CACNA1A: variants seen among roughly 807,000 people sequenced by gnomAD.
The protein encoded by CACNA1A is calcium voltage-gated channel subunit alpha1 A.
Under a neutral mutation model 262.4 loss-of-function variants are expected in CACNA1A, and 57 were observed. The ratio of observed to expected loss-of-function variants is 0.22; its 90% CI spans 0.18 to 0.27. The LOEUF is 0.27. Among genes scored for constraint, CACNA1A ranks in the 10% least tolerant of loss-of-function variants. The probability of loss-of-function intolerance (pLI) is 1.00; values close to 1 mark genes in which losing one functional copy is unlikely to be tolerated. For synonymous variants in CACNA1A, 1,431 were observed against 1,419.3 expected (o/e 1.01, Z -0.18); for missense variants, 2,526 against 3,562.8 (o/e 0.71, Z 7.41).
intron 12 of CACNA1A, among the ~76,000 whole-genome samples, chr19:13,311,243 C>G (rs1036050331): frequency 2.0e-5 from 3 of 152,128 alleles, no homozygotes; most frequent in Non-Finnish European, 4.4e-5. Flanking sequence ...GTGTGCACCA[C>G]CACACCTGGC....
rs1004838145 is a variant in CACNA1A at position 13,212,037 on chromosome 19, G to C, written c.6303+66C>G. 17 of 1,170,856 alleles carry C rather than the reference G, an allele frequency of 1.5e-5. No homozygotes were observed. The highest frequency in any genetic ancestry group is 9.0e-5 in the South Asian group (7 of 77,952). The allele number at this position is 1,170,856 out of a possible 1,614,324, so 72.5% of individuals were successfully genotyped here. A position where few individuals can be genotyped will look rare whatever the true frequency, so the allele number is the denominator to read the frequency against. On this transcript the variant is annotated intron_variant, in intron 43 of 46. Transcript: ENST00000360228. The surrounding 1 kb of genome is among the most constrained non-coding windows in gnomAD (Gnocchi z 5.6). ...AGGGGATGCACTGGGCTGCTTGTGGGGGGGCCTGGCCCTACCCAGTGCAGA... is the reference window on the plus strand; with the variant it reads ...AGGGGATGCACTGGGCTGCTTGTGGCGGGGCCTGGCCCTACCCAGTGCAGA...
chr19:13,221,935 C>T (rs2055246934), intron 38 of CACNA1A, among the ~76,000 whole-genome samples: 1 of 152,062 alleles, frequency 6.6e-6, no homozygotes, highest in Non-Finnish European at 1.5e-5. Context: ...GAGATGGAGT[C>T]TTGCTCTGTC....
chr19:13,277,256 A>G, intron 22 of CACNA1A, 128 bp from the exon 23 acceptor site: 3 of 642,136 alleles, frequency 4.7e-6, no homozygotes, highest in Non-Finnish European at 8.4e-6. Context: ...TGCTATATAC[A>G]GTTGCGCAGG....
At chr19:13,336,594 G>GGAGAGAGAGAGAGAGAGAGAGAGAGAGA (rs547329827) in intron 6 of CACNA1A, among the ~76,000 whole-genome samples, 1 of 65,492 alleles carries the variant, frequency 1.5e-5, no homozygotes, top group African/African-American at 5.1e-5. Context: ...AGAGAGAGAG[G>GGAGAGAGAGAGAGAGAGAGAGAGAGAGA]GAGAGAGAGA....
chr19:13,427,039 G>A (rs757447498), intron 3 of CACNA1A, among the ~76,000 whole-genome samples: 10 of 152,160 alleles, frequency 6.6e-5, no homozygotes, highest in African/African-American at 9.7e-5. Context: ...AGCAATTTCC[G>A]TCTCTAAAAC....
chr19:13,212,016 G>A lies in CACNA1A; in HGVS notation c.6303+87C>T, dbSNP rs1027460335. ...CCAGGCCTGAGTCCGGCAGGGAGGG[G>A]ATGCACTGGGCTGCTTGTGGGGGGG... On this transcript the variant is annotated intron_variant, in intron 43 of 46. Transcript: ENST00000360228. This position sits in a 1 kb window ranked among gnomAD's most constrained non-coding sequence, Gnocchi z 5.6. The A allele has an allele frequency of 6.5e-6, 6 of 920,794 alleles. No individual in the cohort carries two copies. Among genetic ancestry groups the A allele is most frequent in the African/African-American group, 4.8e-5 (3 of 61,884 alleles). 57.0% of individuals were successfully genotyped at this position (920,794 alleles called of 1,614,324 possible).
At chr19:13,427,493 T>TAAATAAAG (rs1243731004) in intron 3 of CACNA1A, among the ~76,000 whole-genome samples, 18 of 148,112 alleles carry the variant, frequency 1.2e-4, no homozygotes, top group Admixed American at 4.1e-4. Context: ...AATAAATAAA[T>TAAATAAAG]AAAGAGTTCC....
intron 1 of CACNA1A, among the ~76,000 whole-genome samples, chr19:13,456,391 G>A (rs1179223553): frequency 3.3e-5 from 5 of 152,068 alleles, no homozygotes; most frequent in Admixed American, 1.3e-4. Context: ...GAACATTTAC[G>A]GCCAGGTGTG....
In CACNA1A at chr19:13,298,738, C is replaced by T. The variant is rs1057522107; in HGVS notation, c.2895G>A (p.Gly965=). The T allele has an allele frequency of 1.3e-6, 2 of 1,503,948 alleles. No individual in the cohort carries two copies. The highest frequency in any genetic ancestry group is 1.8e-6 in the Non-Finnish European group (2 of 1,132,342). The allele number at this position is 1,503,948 out of a possible 1,614,324, so 93.2% of individuals were successfully genotyped here. ...CCGCCTTGTCCTCCGGACCCTCCTCCCCGGGCCTGCGGTGCGCGCGATGAC... is the reference window on the plus strand; with the variant it reads ...CCGCCTTGTCCTCCGGACCCTCCTCTCCGGGCCTGCGGTGCGCGCGATGAC... ...HRRHRAHRRP[G]EEGPEDKAER... The change falls in exon 19 of 47, where the codon GGG becomes GGA. Residue 965 remains glycine, a synonymous_variant. Coordinates refer to ENST00000360228, the MANE Select transcript of CACNA1A (RefSeq NM_001127222.2).
At chr19:13,324,154 T>C (rs936657539) in intron 10 of CACNA1A, among the ~76,000 whole-genome samples, 1 of 152,158 alleles carries the variant, frequency 6.6e-6, no homozygotes, top group African/African-American at 2.4e-5. Flanking sequence ...AATTACAGTA[T>C]GATCTCACAT....
intron 1 of CACNA1A, among the ~76,000 whole-genome samples, chr19:13,503,831 G>A (rs915168409): frequency 1.3e-5 from 2 of 152,102 alleles, no homozygotes; most frequent in Admixed American, 1.3e-4. Flanking sequence ...ATAAGAGCAA[G>A]AAAGCCCCGG....
chr19:13,212,005 G>T lies in CACNA1A; in HGVS notation c.6303+98C>A. ...GGAGTCCCTACCCAGGCCTGAGTCC[G>T]GCAGGGAGGGGATGCACTGGGCTGC... On this transcript the variant is annotated intron_variant, in intron 43 of 46. Coordinates refer to ENST00000360228, the MANE Select transcript of CACNA1A (RefSeq NM_001127222.2). The surrounding 1 kb of genome is among the most constrained non-coding windows in gnomAD (Gnocchi z 5.6). 2.7e-6 allele frequency: 2 copies of T among 749,246 alleles called. No individual in the cohort carries two copies. Among genetic ancestry groups the T allele is most frequent in the Non-Finnish European group, 2.1e-6 (1 of 475,670 alleles). 46.4% of individuals were successfully genotyped at this position (749,246 alleles called of 1,614,324 possible). A position where few individuals can be genotyped will look rare whatever the true frequency, so the allele number is the denominator to read the frequency against.
At chr19:13,397,551 C>T (rs1170751165) in intron 3 of CACNA1A, among the ~76,000 whole-genome samples, 2 of 152,202 alleles carry the variant, frequency 1.3e-5, no homozygotes, top group East Asian at 3.8e-4. Context: ...GTCTCTCCTT[C>T]CTGGATGCTC....
At chr19:13,242,946 C>T (rs2056120483) in intron 31 of CACNA1A, among the ~76,000 whole-genome samples, 2 of 152,236 alleles carry the variant, frequency 1.3e-5, no homozygotes, top group Admixed American at 6.5e-5. Context: ...CATGCCCCAT[C>T]TTCCTGCCAG....
At chr19:13,479,286 A>C (rs1451656311) in intron 1 of CACNA1A, among the ~76,000 whole-genome samples, 1 of 152,216 alleles carries the variant, frequency 6.6e-6, no homozygotes, top group East Asian at 1.9e-4. Flanking sequence ...AAAGTTCCAA[A>C]GGGGAAAATA....
Position 13,308,445 on chromosome 19 carries a change from G to A in CACNA1A, c.1752C>T (p.Leu584=). 1.2e-6 allele frequency: 2 copies of A among 1,613,220 alleles called. No homozygotes were observed. Among genetic ancestry groups the A allele is most frequent in the African/African-American group, 2.7e-5 (2 of 74,952 alleles). Residue 584 remains leucine, a synonymous_variant, in exon 13 of 47, where the codon CTC becomes CTT. Transcript: ENST00000360228. The surrounding 1 kb of genome is among the most constrained non-coding windows in gnomAD (Gnocchi z 4.2). ...TSFGISVLRA[L]RLLRIFKVTK... ...TGACTTTGAAAATACGCAATAACCT[G>A]AGGGCTCGTAACACGCTGATTCCAA...
chr19:13,456,871 G>A (rs1305719905), intron 1 of CACNA1A, among the ~76,000 whole-genome samples: 1 of 152,190 alleles, frequency 6.6e-6, no homozygotes, highest in Non-Finnish European at 1.5e-5. Context: ...CACTAGGATA[G>A]CTATTAAAAA....
rs2058221685 is a variant in CACNA1A at position 13,320,236 on chromosome 19, TCGAGAGAGAGAGAGAGAG to T, written c.1346-2933_1346-2916del. ...GGGGACAGGGGGGATGTTCCACAGA[TCGAGAGAGAGAGAGAGAG>T]AGAGAGAGAGAGAGAGAGAGAAACC... is the stretch of plus-strand genomic sequence containing the variant. On this transcript the variant is annotated intron_variant, in intron 10 of 46. Transcript: ENST00000360228. 1.4e-4 allele frequency among the ~76,000 whole-genome samples: 10 copies of T among 73,542 alleles called. No individual in the cohort carries two copies. In the South Asian group the frequency reaches 7.4e-3, roughly 54 times the overall value. The allele number at this position is 73,542 out of a possible 152,430, so 48.2% of individuals were successfully genotyped here.
chr19:13,482,301 G>A (rs185673010), intron 1 of CACNA1A, among the ~76,000 whole-genome samples: 24 of 151,988 alleles, frequency 1.6e-4, no homozygotes, highest in African/African-American at 5.8e-4. Context: ...CTGGCTAGCA[G>A]TGAAACCCCG....
Sources: gnomAD v4.1 joint callset for allele counts (sites outside exome capture counted in the v4.1 genomes callset) on GRCh38, gnomAD v4.1.1 for gene constraint, Gnocchi (gnomAD v3.1) non-coding constraint, MANE v1.5 for transcripts, NCBI Gene and HGNC (gene_info 2026-07-23, HGNC 2026-07-21) for gene names.